Variants in NCOA3 observed in about 807,000 individuals in gnomAD.
NCOA3 encodes the protein CBP-interacting protein.
Under a neutral mutation model 158.8 loss-of-function variants are expected in NCOA3, and 51 were observed. That is an observed-to-expected ratio of 0.32 (90% confidence interval 0.26 to 0.41). NCOA3 has a LOEUF of 0.41. Ranked by LOEUF, NCOA3 falls within the 10% of genes least tolerant of loss-of-function variation. The probability of loss-of-function intolerance (pLI) is 1.00; values close to 1 mark genes in which losing one functional copy is unlikely to be tolerated. For missense variants in NCOA3, 1,510 were observed against 1,746.6 expected, an observed-to-expected ratio of 0.86 and a Z score of 2.41; for synonymous variants, 537 against 592.4, an observed-to-expected ratio of 0.91 and a Z score of 1.36.
At position 47,624,676 on chromosome 20, in the gene NCOA3, C is replaced by T. The variant is rs143818425; in HGVS notation, c.256+593C>T. On this transcript the variant is annotated intron_variant, in intron 4 of 22. Coordinates refer to ENST00000371998, the MANE Select transcript of NCOA3 (RefSeq NM_181659.3). ...TAGAAGGAACTTGTTGCTATATTTGCCTTTTTGCTCCTTTGTTTGGGTAGA... is the reference window on the plus strand; with the variant it reads ...TAGAAGGAACTTGTTGCTATATTTGTCTTTTTGCTCCTTTGTTTGGGTAGA... 2.1e-3 allele frequency among the ~76,000 whole-genome samples: 313 copies of T among 152,270 alleles called. 9 individuals carry two copies. The East Asian group carries it at 0.057, about 28-fold the overall frequency.
At chr20:47,627,450 A>C (rs2086340971) in intron 6 of NCOA3, 111 bp from the exon 7 acceptor site, 1 of 851,578 alleles carries the variant, frequency 1.2e-6, no homozygotes, top group Admixed American at 2.6e-5. Context: ...GTTAGTATAG[A>C]TATAACTATG....
At chr20:47,601,353 G>A (rs949258021) in intron 2 of NCOA3, among the ~76,000 whole-genome samples, 1 of 152,202 alleles carries the variant, frequency 6.6e-6, no homozygotes, top group Non-Finnish European at 1.5e-5. Flanking sequence ...CGCGGACCAA[G>A]CCTCAACATG....
At position 47,646,745 on chromosome 20, in the gene NCOA3, G is replaced by A. The variant is rs191065160; in HGVS notation, c.3253-328G>A. The stretch of plus-strand genomic sequence containing the variant: ...GTGGGGTGAAGTATGCTTCAAGAGA[G>A]ACATGTCAAGCATGCTGGCTGCATG... On this transcript the variant is annotated intron_variant, in intron 17 of 22. Transcript: ENST00000371998. Among the ~76,000 whole-genome samples the A allele has an allele frequency of 5.1e-3, 777 of 152,270 alleles. 8 individuals carry two copies. Among genetic ancestry groups the A allele is most frequent in the African/African-American group, 0.018 (740 of 41,538 alleles).
chr20:47,627,410 C>A, intron 6 of NCOA3, 151 bp from the exon 7 acceptor site: 2 of 706,916 alleles, frequency 2.8e-6, no homozygotes, highest in Non-Finnish European at 4.6e-6. Flanking sequence ...TGAAATTATT[C>A]ACATGTTTTG....
At chr20:47,549,560 C>CAAAAA (rs763889456) in intron 1 of NCOA3, among the ~76,000 whole-genome samples, 1 of 55,136 alleles carries the variant, frequency 1.8e-5, no homozygotes, top group African/African-American at 5.5e-5. Context: ...GACTCTGTCT[C>CAAAAA]AAAAAAAAAA....
At chr20:47,636,851 A>C in intron 12 of NCOA3, 89 bp downstream of exon 12, 7 of 1,244,426 alleles carry the variant, frequency 5.6e-6, no homozygotes, top group Admixed American at 2.6e-5. Flanking sequence ...TTTTAGGTTT[A>C]TTTAAAGAAA....
chr20:47,635,240 A>AT, intron 10 of NCOA3, 82 bp from the exon 11 acceptor site: 1 of 1,395,974 alleles, frequency 7.2e-7, no homozygotes, highest in African/African-American at 1.5e-5. Context: ...GTTTTTTAAA[A>AT]TTTTATTTTA....
At position 47,636,075 on chromosome 20, in the gene NCOA3, C is replaced by T; in HGVS notation, c.1689C>T (p.Ser563=). 1 of 1,614,100 alleles carries T rather than the reference C, an allele frequency of 6.2e-7. No homozygotes were observed. Among genetic ancestry groups the T allele is most frequent in the Non-Finnish European group, 8.5e-7 (1 of 1,180,002 alleles). The change falls in exon 12 of 23, where the codon AGC becomes AGT. Residue 563 remains serine, a synonymous_variant. Transcript: ENST00000371998. ...NMNITQPSKV[S]NQDSKSPLGF... is the part of the protein sequence containing the mutation. ...ATATTACCCAACCAAGTAAAGTAAG[C>T]AATCAGGATTCCAAGAGTCCTCTGG... is the stretch of plus-strand genomic sequence containing the variant.
intron 16 of NCOA3, among the ~76,000 whole-genome samples, chr20:47,641,995 G>A (rs1440775389): frequency 6.6e-6 from 1 of 152,114 alleles, no homozygotes; most frequent in Non-Finnish European, 1.5e-5. Flanking sequence ...GGGGGTTTAA[G>A]CTGTATATGG....
rs1278141449 is a variant in NCOA3, at chr20:47,530,810, A to C, written c.-99+28791A>C. On this transcript the variant is annotated intron_variant, in intron 1 of 22. Coordinates refer to ENST00000371998, the MANE Select transcript of NCOA3 (RefSeq NM_181659.3). ...GTTCCTGTTAATCTTTTAAAATGTCAGTAGACTTTATATTAAAATTGATGC... is the reference window on the plus strand; with the variant it reads ...GTTCCTGTTAATCTTTTAAAATGTCCGTAGACTTTATATTAAAATTGATGC... Among the ~76,000 whole-genome samples, 4 of 152,154 alleles carry C rather than the reference A, an allele frequency of 2.6e-5. 1 individual carries two copies. The highest frequency in any genetic ancestry group is 5.9e-5 in the Non-Finnish European group (4 of 68,040).
At chr20:47,641,156 C>T (rs1009600981) in intron 16 of NCOA3, among the ~76,000 whole-genome samples, 1 of 152,008 alleles carries the variant, frequency 6.6e-6, no homozygotes, top group Non-Finnish European at 1.5e-5. Flanking sequence ...TTTTCTGAGG[C>T]AGGATAAATG....
intron 1 of NCOA3, among the ~76,000 whole-genome samples, chr20:47,531,359 A>ACAAACAAG (rs1308857583): frequency 6.6e-6 from 1 of 152,100 alleles, no homozygotes; most frequent in Non-Finnish European, 1.5e-5. Flanking sequence ...AAACAAACAA[A>ACAAACAAG]CAAACAAAAA....
intron 1 of NCOA3, among the ~76,000 whole-genome samples, chr20:47,505,708 C>A (rs112754448): frequency 1.3e-5 from 2 of 150,360 alleles, no homozygotes; most frequent in African/African-American, 4.9e-5. Flanking sequence ...TCTCATACTT[C>A]AAAAAATTGA....
rs71183267 is a variant in NCOA3 at position 47,593,334 on chromosome 20, A to ATTTTTTTTTTTTTTTT, written c.-20+10086_-20+10101dup. 4.7e-5 allele frequency among the ~76,000 whole-genome samples: 3 copies of ATTTTTTTTTTTTTTTT among 63,722 alleles called. 1 individual carries two copies. Among genetic ancestry groups the ATTTTTTTTTTTTTTTT allele is most frequent in the African/African-American group, 2.0e-4 (3 of 14,960 alleles). 41.8% of individuals were successfully genotyped at this position (63,722 alleles called of 152,430 possible). A position where few individuals can be genotyped will look rare whatever the true frequency, so the allele number is the denominator to read the frequency against. ...GGAGTACCTCCTCTTGAGTTGATGG[A>ATTTTTTTTTTTTTTTT]TTTTTTTTTTTTTTTTTTTTTTTTT... On this transcript the variant is annotated intron_variant, in intron 2 of 22. Transcript: ENST00000371998.
At chr20:47,520,428 G>A (rs959015110) in intron 1 of NCOA3, among the ~76,000 whole-genome samples, 14 of 152,156 alleles carry the variant, frequency 9.2e-5, no homozygotes, top group African/African-American at 2.9e-4. Flanking sequence ...GGGAGGAACC[G>A]GCAGGAGTGG....
intron 2 of NCOA3, among the ~76,000 whole-genome samples, chr20:47,592,885 A>C (rs149656614): frequency 6.6e-6 from 1 of 152,354 alleles, no homozygotes; most frequent in East Asian, 1.9e-4. Context: ...ACATTCCTCC[A>C]GCAGTGAAAG....
Position 47,637,704 on chromosome 20 carries a change from C to A in NCOA3, c.2433C>A (p.Asp811Glu). ...TTCTTGGTGATCTGACTAGTTCTGA[C>A]TTTTACAATAATTCCATATCCTCAA... Reference protein sequence around the residue: ...DAILGDLTSSDFYNNSISSNG... With the variant: ...DAILGDLTSSEFYNNSISSNG... Residue 811 changes from aspartate to glutamate, a missense_variant, in exon 13 of 23, where the codon GAC (aspartate) becomes GAA (glutamate). This residue lies in a region of NCOA3 where 1,017 missense variants were observed against 1,098.3 expected (regional missense o/e 0.93). Coordinates refer to ENST00000371998, the MANE Select transcript of NCOA3 (RefSeq NM_181659.3). 6.2e-7 allele frequency: 1 copy of A among 1,611,824 alleles called. No homozygotes were observed. The highest frequency in any genetic ancestry group is 8.5e-7 in the Non-Finnish European group (1 of 1,178,800).
At chr20:47,551,364 T>A (rs970799172) in intron 1 of NCOA3, among the ~76,000 whole-genome samples, 2 of 152,198 alleles carry the variant, frequency 1.3e-5, no homozygotes, top group African/African-American at 4.8e-5. Flanking sequence ...CCGTGCTGGC[T>A]GTGTTGGTGA....
At chr20:47,647,448 C>T (rs1049718753) in intron 18 of NCOA3, 82 bp downstream of exon 18, 16 of 1,264,182 alleles carry the variant, frequency 1.3e-5, no homozygotes, top group African/African-American at 1.2e-4. Context: ...ACCACTGGTG[C>T]AATCTATCCC....
Sources: gnomAD v4.1 joint callset for allele counts (sites outside exome capture counted in the v4.1 genomes callset) on GRCh38, gnomAD v4.1.1 for gene constraint, gnomAD v4.1.1 regional missense constraint, MANE v1.5 for transcripts, NCBI Gene and HGNC (gene_info 2026-07-23, HGNC 2026-07-21) for gene names.